PCDHGA4: variants seen among roughly 807,000 people sequenced by gnomAD.
PCDHGA4 encodes protocadherin gamma subfamily A, 4.
Under a neutral mutation model 54.6 loss-of-function variants are expected in PCDHGA4, and 38 were observed. The ratio of observed to expected loss-of-function variants is 0.70; its 90% CI spans 0.54 to 0.91. The LOEUF is 0.91. Among genes scored for constraint, PCDHGA4 ranks in the 40% least tolerant of loss-of-function variants. The pLI is 0.00. For synonymous variants in PCDHGA4, 511 were observed against 512.9 expected, an observed-to-expected ratio of 1.00 and a Z score of 0.05; for missense variants, 1,298 against 1,220.9, an observed-to-expected ratio of 1.06 and a Z score of -0.94.
Position 141,485,166 on chromosome 5 carries a change from C to T in PCDHGA4, c.2515-9641C>T, listed in dbSNP as rs1180453938. 2 of 1,606,374 alleles carry T rather than the reference C, an allele frequency of 1.2e-6. No individual in the cohort carries two copies. Among genetic ancestry groups the T allele is most frequent in the Non-Finnish European group, 8.5e-7 (1 of 1,174,214 alleles). ...CAGGAGCAAGTAGAGAATTAGCGGG[C>T]GGCAGCAATGCTCCGCAAGGTGAGA... On this transcript the variant is annotated intron_variant, in intron 1 of 3. Transcript: ENST00000571252. The surrounding 1 kb of genome is among the most constrained non-coding windows in gnomAD (Gnocchi z 5.7).
rs768509409 is a variant in PCDHGA4 at position 141,489,236 on chromosome 5, G to C, written c.2515-5571G>C. 1 of 1,531,176 alleles carries C rather than the reference G, an allele frequency of 6.5e-7. No homozygotes were observed. 94.8% of individuals were successfully genotyped at this position (1,531,176 alleles called of 1,614,324 possible). On this transcript the variant is annotated intron_variant, in intron 1 of 3. Transcript: ENST00000571252. The surrounding 1 kb of genome is among the most constrained non-coding windows in gnomAD (Gnocchi z 4.5). The stretch of plus-strand genomic sequence containing the variant: ...ACTTACTCTCCACAAAGGGACTTCT[G>C]GGTCATGGGGCCCAAGACACTCCCA...
At chr5:141,509,782 C>A (rs2099878218) in intron 3 of PCDHGA4, among the ~76,000 whole-genome samples, 1 of 152,144 alleles carries the variant, frequency 6.6e-6, no homozygotes, top group Admixed American at 6.5e-5. Context: ...TCCCCGAGAT[C>A]ATCATCTCCT....
chr5:141,361,173 A>G, intron 1 of PCDHGA4: 2 of 1,613,958 alleles, frequency 1.2e-6, no homozygotes. Context: ...GTGCACCTGA[A>G]GTTATTGTGA....
chr5:141,384,829 G>A (rs1243050988), intron 1 of PCDHGA4: 5 of 1,613,524 alleles, frequency 3.1e-6, no homozygotes, highest in Non-Finnish European at 4.2e-6. Flanking sequence ...GAGCCTCGTG[G>A]TGGCCGTCCA....
chr5:141,408,738 C>T, intron 1 of PCDHGA4: 2 of 1,609,632 alleles, frequency 1.2e-6, no homozygotes, highest in Non-Finnish European at 1.7e-6. Flanking sequence ...CCTTATTTTT[C>T]ATTAATGGTT....
chr5:141,379,173 A>G (rs556120661), intron 1 of PCDHGA4: 5 of 152,374 alleles, frequency 3.3e-5, no homozygotes, highest in Non-Finnish European at 1.5e-5. Context: ...CTTCTTAAAG[A>G]TAACATTGAG....
intron 1 of PCDHGA4, among the ~76,000 whole-genome samples, chr5:141,494,568 C>T (rs2099755322): frequency 6.6e-6 from 1 of 152,138 alleles, no homozygotes; most frequent in African/African-American, 2.4e-5. Context: ...GGAAAGGAGT[C>T]TCAGCTTGCT....
chr5:141,425,394 G>C (rs186813737), intron 1 of PCDHGA4, among the ~76,000 whole-genome samples: 2 of 152,184 alleles, frequency 1.3e-5, no homozygotes, highest in Non-Finnish European at 2.9e-5. Context: ...TAGTGATAAA[G>C]TTCTGTTAAG....
chr5:141,375,703 G>C (rs776426026), intron 1 of PCDHGA4: 6 of 1,614,144 alleles, frequency 3.7e-6, no homozygotes, highest in Non-Finnish European at 5.1e-6. Context: ...GCGGGGACCC[G>C]CCTCTTAGCA....
At chr5:141,408,712 T>C in intron 1 of PCDHGA4, 2 of 1,612,332 alleles carry the variant, frequency 1.2e-6, no homozygotes, top group Non-Finnish European at 1.7e-6. Flanking sequence ...TTAAAGATTA[T>C]AAGATAAACT....
At position 141,356,753 on chromosome 5, in the gene PCDHGA4, G is replaced by A. The variant is rs1429942058; in HGVS notation, c.1646G>A (p.Cys549Tyr). ...AATACAGGGATCCTATATGCTCTTT[G>A]CTCCTTCGACTATGAGCAGTTTAGA... ...NSNTGILYAL[C>Y]SFDYEQFRDL... Residue 549 changes from cysteine to tyrosine, a missense_variant, in exon 1 of 4, where the codon TGC becomes TAC. Coordinates refer to ENST00000571252, the MANE Select transcript of PCDHGA4 (RefSeq NM_018917.4). 1 of 1,613,978 alleles carries A rather than the reference G, an allele frequency of 6.2e-7. No homozygotes were observed. The highest frequency in any genetic ancestry group is 1.1e-5 in the South Asian group (1 of 91,082).
At chr5:141,357,716 T>G in intron 1 of PCDHGA4, 95 bp downstream of exon 1, 2 of 1,441,654 alleles carry the variant, frequency 1.4e-6, no homozygotes, top group Non-Finnish European at 1.9e-6. Context: ...TCAAATAAAG[T>G]TGCCTCTTTT....
At chr5:141,467,597 A>T (rs2099147099) in intron 1 of PCDHGA4, among the ~76,000 whole-genome samples, 1 of 152,136 alleles carries the variant, frequency 6.6e-6, no homozygotes, top group Non-Finnish European at 1.5e-5. Flanking sequence ...TTTATTAAGC[A>T]CTTCATCTTT....
intron 1 of PCDHGA4, chr5:141,384,777 G>A: frequency 1.2e-6 from 2 of 1,613,860 alleles, no homozygotes; most frequent in Non-Finnish European, 1.7e-6. Context: ...CGGGCGAGGT[G>A]CGCACGGCTC....
chr5:141,449,842 A>G (rs893220311), intron 1 of PCDHGA4, among the ~76,000 whole-genome samples: 4 of 151,700 alleles, frequency 2.6e-5, no homozygotes, highest in Non-Finnish European at 4.4e-5. Flanking sequence ...TTATATAATT[A>G]AATTTTAATA....
chr5:141,365,964 A>G, intron 1 of PCDHGA4: 1 of 1,614,252 alleles, frequency 6.2e-7, no homozygotes, highest in Non-Finnish European at 8.5e-7. Context: ...CTTAGCAGCA[A>G]CGTGTCGCTG....
Position 141,432,492 on chromosome 5 carries a change from C to G in PCDHGA4, c.2515-62315C>G. The G allele has an allele frequency of 6.2e-7, 1 of 1,614,168 alleles. No individual in the cohort carries two copies. The highest frequency in any genetic ancestry group is 8.5e-7 in the Non-Finnish European group (1 of 1,180,040). On this transcript the variant is annotated intron_variant, in intron 1 of 3. Transcript: ENST00000571252. This position sits in a 1 kb window ranked among gnomAD's most constrained non-coding sequence, Gnocchi z 6.0. Reference sequence around the variant, plus strand: ...GACGGTTCCACTGGCGTGGAGCTGGCTCCCCGCTCCGCAGAGCCCGGCTAC... The same window carrying G: ...GACGGTTCCACTGGCGTGGAGCTGGGTCCCCGCTCCGCAGAGCCCGGCTAC...
intron 1 of PCDHGA4, among the ~76,000 whole-genome samples, chr5:141,362,942 A>T (rs141459764): frequency 6.6e-6 from 1 of 152,354 alleles, no homozygotes; most frequent in African/African-American, 2.4e-5. Context: ...TCATTTTAGT[A>T]GGCTTTGGAA....
At chr5:141,428,305 G>A (rs751498223) in intron 1 of PCDHGA4, 8 of 694,348 alleles carry the variant, frequency 1.2e-5, no homozygotes, top group African/African-American at 1.8e-5. Flanking sequence ...GATTTACCTG[G>A]TCGTGGCCTT....
Sources: allele counts gnomAD v4.1 joint callset (sites outside exome capture counted in the v4.1 genomes callset), GRCh38; gene constraint gnomAD v4.1.1; non-coding constraint Gnocchi (gnomAD v3.1); transcripts MANE v1.5; gene names NCBI Gene and HGNC (gene_info 2026-07-23, HGNC 2026-07-21).